The following BMAL2 variants were observed in gnomAD, a reference collection of about 807,000 sequenced individuals.
The protein encoded by BMAL2 is basic helix-loop-helix ARNT-like protein 2.
chr12:27,399,309 C>T, the BMAL2 span, among the ~76,000 whole-genome samples: 1 of 152,186 alleles, frequency 6.6e-6, no homozygotes, highest in Non-Finnish European at 1.5e-5. Context: ...TTCTGTCACC[C>T]AGGCAACTCC....
At chr12:27,348,471 AT>A in the BMAL2 span, among the ~76,000 whole-genome samples, 31 of 151,534 alleles carry the variant, frequency 2.0e-4, no homozygotes, top group Admixed American at 7.9e-4. Context: ...GGTAACATTT[AT>A]TTTTTTTTAA....
the BMAL2 span, among the ~76,000 whole-genome samples, chr12:27,365,116 C>T: frequency 2.6e-5 from 4 of 151,948 alleles, no homozygotes; most frequent in South Asian, 6.2e-4. Context: ...TTTCATTTTC[C>T]TTTTTCTTGC....
chr12:27,385,355 G>A, the BMAL2 span: 1 of 546,802 alleles, frequency 1.8e-6, no homozygotes, highest in Non-Finnish European at 3.2e-6. Context: ...AAAAAAAAAT[G>A]ATTACAGAAA....
At chr12:27,341,260 A>G in the BMAL2 span, among the ~76,000 whole-genome samples, 1 of 152,046 alleles carries the variant, frequency 6.6e-6, no homozygotes, top group Admixed American at 6.6e-5. Flanking sequence ...TTTGTTGTAG[A>G]TGGCTCTTAT....
chr12:27,347,347 C>T, the BMAL2 span, among the ~76,000 whole-genome samples: 2 of 152,220 alleles, frequency 1.3e-5, no homozygotes, highest in East Asian at 3.8e-4. Flanking sequence ...CCTTCCCCTT[C>T]ATTTGCCCAT....
the BMAL2 span, chr12:27,385,622 C>G: frequency 1.8e-6 from 2 of 1,130,382 alleles, no homozygotes; most frequent in Non-Finnish European, 2.6e-6. Flanking sequence ...GAATAGGAGG[C>G]AGATTTTCTT....
At chr12:27,390,623 T>A in the BMAL2 span, 3 of 164,452 alleles carry the variant, frequency 1.8e-5, no homozygotes, top group African/African-American at 7.2e-5. Context: ...TGACTAATTT[T>A]GGTGAAAGTT....
the BMAL2 span, chr12:27,380,465 CTGAT>C: frequency 5.2e-5 from 81 of 1,572,496 alleles, no homozygotes; most frequent in Middle Eastern, 6.7e-4. Context: ...ACTGAGGTCT[CTGAT>C]TGGTTCGCTT....
chr12:27,415,879 T>A, the BMAL2 span: 1 of 1,606,210 alleles, frequency 6.2e-7, no homozygotes, highest in Non-Finnish European at 8.5e-7. Flanking sequence ...GTTACAGTCT[T>A]CTTCATACCT....
the BMAL2 span, among the ~76,000 whole-genome samples, chr12:27,395,897 C>T: frequency 6.6e-6 from 1 of 152,204 alleles, no homozygotes; most frequent in African/African-American, 2.4e-5. Context: ...AGGGCCTGGG[C>T]TCTGAATTCA....
chr12:27,339,628 CTTT>C, the BMAL2 span, among the ~76,000 whole-genome samples: 3 of 144,574 alleles, frequency 2.1e-5, no homozygotes, highest in African/African-American at 2.5e-5. Context: ...ACTTTTTGAC[CTTT>C]TTTTTTTTTT....
the BMAL2 span, chr12:27,368,279 G>A: frequency 6.2e-7 from 1 of 1,614,134 alleles, no homozygotes; most frequent in Non-Finnish European, 8.5e-7. Flanking sequence ...GTTGAGAGAG[G>A]AGAACCAGTG....
the BMAL2 span, among the ~76,000 whole-genome samples, chr12:27,380,942 T>G: frequency 6.6e-6 from 1 of 151,440 alleles, no homozygotes; most frequent in African/African-American, 2.4e-5. Flanking sequence ...GCAGTAATCA[T>G]GCCACTGCAC....
chr12:27,408,923 A>C, the BMAL2 span, among the ~76,000 whole-genome samples: 8 of 152,222 alleles, frequency 5.3e-5, no homozygotes, highest in African/African-American at 1.7e-4. Flanking sequence ...AATGTGCAAA[A>C]ATCACAAGCA....
chr12:27,364,140 CTTTTACGGTGGCACTAATCCTGT>C, the BMAL2 span, among the ~76,000 whole-genome samples: 51 of 152,290 alleles, frequency 3.3e-4, no homozygotes, highest in South Asian at 0.01. Context: ...CCTCTCAGCC[CTTTTACGGTGGCACTAATCCTGT>C]CTATGAGGGT....
the BMAL2 span, among the ~76,000 whole-genome samples, chr12:27,371,834 C>G: frequency 6.6e-6 from 1 of 152,152 alleles, no homozygotes; most frequent in Non-Finnish European, 1.5e-5. Flanking sequence ...ACCTCTATTT[C>G]TAAAACTTTT....
the BMAL2 span, among the ~76,000 whole-genome samples, chr12:27,348,578 T>C: frequency 6.6e-5 from 10 of 152,206 alleles, no homozygotes; most frequent in South Asian, 2.1e-4. Context: ...TTTAAGATTA[T>C]ATGACTTTTC....
the BMAL2 span, among the ~76,000 whole-genome samples, chr12:27,417,924 T>C: frequency 6.6e-6 from 1 of 151,320 alleles, no homozygotes; most frequent in East Asian, 1.9e-4. Flanking sequence ...ACCCAGGAGG[T>C]GGAGGTTGCA....
the BMAL2 span, among the ~76,000 whole-genome samples, chr12:27,406,861 A>C: frequency 6.6e-6 from 1 of 152,150 alleles, no homozygotes; most frequent in Non-Finnish European, 1.5e-5. Context: ...TCATGTGCAG[A>C]GACAAACATA....
Sources: gnomAD v4.1 joint callset for allele counts (sites outside exome capture counted in the v4.1 genomes callset) on GRCh38, gnomAD v4.1.1 for gene constraint, MANE v1.5 for transcripts, NCBI Gene and HGNC (gene_info 2026-07-23, HGNC 2026-07-21) for gene names.